Variants in ASIC2 observed in about 807,000 individuals in gnomAD.
The protein encoded by ASIC2 is acid-sensing ion channel 2.
ASIC2 carries 25 observed loss-of-function variants against 57.3 expected under a neutral mutation model. That is an observed-to-expected ratio of 0.44 (90% confidence interval 0.32 to 0.61). ASIC2 has a LOEUF of 0.61. Ranked by LOEUF, ASIC2 falls within the 20% of genes least tolerant of loss-of-function variation. The pLI is 0.06. For synonymous variants in ASIC2, 319 were observed against 307.5 expected, an observed-to-expected ratio of 1.04 and a Z score of -0.39; for missense variants, 641 against 738.1, an observed-to-expected ratio of 0.87 and a Z score of 1.52.
intron 3 of ASIC2, among the ~76,000 whole-genome samples, chr17:33,070,494 T>C (rs1209887604): frequency 1.3e-5 from 2 of 152,012 alleles, no homozygotes; most frequent in Non-Finnish European, 2.9e-5. Flanking sequence ...TGCATCACCA[T>C]GTCCAGCTAA....
intron 1 of ASIC2, among the ~76,000 whole-genome samples, chr17:33,736,743 A>C (rs1909923389): frequency 6.6e-6 from 1 of 152,134 alleles, no homozygotes; most frequent in African/African-American, 2.4e-5. Flanking sequence ...GTGACCTTTC[A>C]CACTTTCCCT....
chr17:33,420,448 C>G lies in ASIC2; in HGVS notation c.556-308381G>C, dbSNP rs1030856921. On this transcript the variant is annotated intron_variant, in intron 1 of 9. Coordinates refer to the ASIC2 transcript ENST00000359872. ...AAATGGATGAACGGGGCACAGAATT[C>G]CAGTTGGAGAGAAAAACATGAACTA... 5.3e-5 allele frequency among the ~76,000 whole-genome samples: 8 copies of G among 152,104 alleles called. No homozygotes were observed. The East Asian group carries it at 1.2e-3, about 22-fold the overall frequency.
chr17:33,949,435 A>G (rs1904489994), intron 1 of ASIC2, among the ~76,000 whole-genome samples: 1 of 152,222 alleles, frequency 6.6e-6, no homozygotes, highest in Non-Finnish European at 1.5e-5. Context: ...AAGATACTCA[A>G]TAGATTCTTC....
intron 1 of ASIC2, among the ~76,000 whole-genome samples, chr17:33,233,349 C>T (rs529069861): frequency 5.7e-4 from 87 of 152,096 alleles, no homozygotes; most frequent in Non-Finnish European, 9.7e-4. Context: ...TGCCCTCATG[C>T]GCTAGGAGGT....
At chr17:34,008,556 C>T (rs879066522) in intron 1 of ASIC2, among the ~76,000 whole-genome samples, 2 of 152,148 alleles carry the variant, frequency 1.3e-5, no homozygotes, top group Admixed American at 1.3e-4. Flanking sequence ...GCAAGCTGAA[C>T]CTGGGTTTGT....
At chr17:34,043,999 G>A (rs1033802122) in intron 1 of ASIC2, among the ~76,000 whole-genome samples, 1 of 152,178 alleles carries the variant, frequency 6.6e-6, no homozygotes, top group Admixed American at 6.5e-5. Context: ...CCAAAGGCAT[G>A]CATACCCTCC....
chr17:34,050,089 A>G (rs1908497805), intron 1 of ASIC2, among the ~76,000 whole-genome samples: 1 of 152,228 alleles, frequency 6.6e-6, no homozygotes, highest in African/African-American at 2.4e-5. Flanking sequence ...TTATACTCTG[A>G]TCCCCATCCC....
At chr17:33,278,349 T>C (rs184990426) in intron 1 of ASIC2, among the ~76,000 whole-genome samples, 7 of 152,228 alleles carry the variant, frequency 4.6e-5, no homozygotes, top group African/African-American at 1.2e-4. Flanking sequence ...CTGTTAAAAA[T>C]AGACTGACGT....
intron 1 of ASIC2, among the ~76,000 whole-genome samples, chr17:33,978,941 G>C (rs575539260): frequency 6.6e-6 from 1 of 152,286 alleles, no homozygotes; most frequent in South Asian, 2.1e-4. Context: ...CAAAAGGGCT[G>C]AGTGTAAGTA....
chr17:33,030,702 C>T (rs1250920845), intron 3 of ASIC2, among the ~76,000 whole-genome samples: 1 of 152,052 alleles, frequency 6.6e-6, no homozygotes, highest in Non-Finnish European at 1.5e-5. Flanking sequence ...TTCTCATTTG[C>T]TGAGAGTTTT....
chr17:33,091,351 C>G (rs1159379149), intron 2 of ASIC2, among the ~76,000 whole-genome samples: 1 of 152,184 alleles, frequency 6.6e-6, no homozygotes, highest in Non-Finnish European at 1.5e-5. Context: ...GTTGGGATGA[C>G]AGGGATGCCC....
At chr17:33,224,498 G>A (rs530949288) in intron 1 of ASIC2, among the ~76,000 whole-genome samples, 27 of 152,212 alleles carry the variant, frequency 1.8e-4, no homozygotes, top group Admixed American at 1.6e-3. Flanking sequence ...TCAACAAATT[G>A]GCTAAAATAT....
intron 1 of ASIC2, among the ~76,000 whole-genome samples, chr17:33,353,944 A>T (rs571988917): frequency 5.9e-5 from 9 of 152,326 alleles, no homozygotes; most frequent in African/African-American, 1.9e-4. Context: ...TAATTTATAA[A>T]GGAAATAGGT....
At chr17:34,084,885 T>G (rs910916654) in intron 1 of ASIC2, among the ~76,000 whole-genome samples, 2 of 152,206 alleles carry the variant, frequency 1.3e-5, no homozygotes, top group African/African-American at 4.8e-5. Flanking sequence ...TGCACATTGA[T>G]TTTGTATCCT....
intron 1 of ASIC2, among the ~76,000 whole-genome samples, chr17:33,808,919 G>A (rs796178262): frequency 6.6e-6 from 1 of 152,176 alleles, no homozygotes; most frequent in Admixed American, 6.5e-5. Flanking sequence ...TGCTCAGATT[G>A]TGAATCAGTA....
intron 1 of ASIC2, among the ~76,000 whole-genome samples, chr17:34,113,992 A>G (rs1241045739): frequency 1.3e-5 from 2 of 152,242 alleles, no homozygotes; most frequent in African/African-American, 4.8e-5. Context: ...CCAGATCTGC[A>G]TTTAGTCATC....
intron 1 of ASIC2, among the ~76,000 whole-genome samples, chr17:34,130,627 C>G (rs983542253): frequency 6.6e-6 from 1 of 152,244 alleles, no homozygotes; most frequent in Non-Finnish European, 1.5e-5. Context: ...AGCATTTCCT[C>G]TTCCAAACTC....
At chr17:34,147,168 T>C (rs1455865720) in intron 1 of ASIC2, 1 of 152,228 alleles carries the variant, frequency 6.6e-6, no homozygotes, top group Non-Finnish European at 1.5e-5. Context: ...GTTTAATATG[T>C]TCTGTTGCAT....
At chr17:33,016,479 C>T in intron 8 of ASIC2, among the ~76,000 whole-genome samples, 1 of 152,170 alleles carries the variant, frequency 6.6e-6, no homozygotes, top group African/African-American at 2.4e-5. Context: ...GAGTTCATAA[C>T]ATTTTACTCC....
Sources: allele counts gnomAD v4.1 joint callset (sites outside exome capture counted in the v4.1 genomes callset), GRCh38; gene constraint gnomAD v4.1.1; transcripts MANE v1.5; gene names NCBI Gene and HGNC (gene_info 2026-07-23, HGNC 2026-07-21).